PDE11A: variants seen among roughly 807,000 people sequenced by gnomAD.
The protein encoded by PDE11A is dual 3',5'-cyclic-AMP and -GMP phosphodiesterase 11A.
PDE11A carries 100 observed loss-of-function variants against 100.5 expected under a neutral mutation model. The ratio of observed to expected loss-of-function variants is 1.00; its 90% CI spans 0.85 to 1.18. The LOEUF (loss-of-function observed/expected upper bound fraction) is 1.18, where lower values mean the gene tolerates loss of function less well. Among genes scored for constraint, PDE11A ranks in the 50% most tolerant of loss-of-function variants. The pLI, the probability that PDE11A is intolerant of heterozygous loss-of-function variation, is 0.00. For synonymous variants in PDE11A, 381 were observed against 420.8 expected (o/e 0.91, Z 1.16); for missense variants, 1,141 against 1,152.6 (o/e 0.99, Z 0.15).
intron 5 of PDE11A, among the ~76,000 whole-genome samples, chr2:177,858,619 G>C (rs1029245537): frequency 6.6e-6 from 1 of 152,198 alleles, no homozygotes; most frequent in African/African-American, 2.4e-5. Context: ...AGGATGTGGA[G>C]AAATAGGAAC....
chr2:177,945,860 C>A (rs1418837648), intron 2 of PDE11A, among the ~76,000 whole-genome samples: 1 of 108,268 alleles, frequency 9.2e-6, no homozygotes, highest in Non-Finnish European at 2.0e-5. Flanking sequence ...CCAGCCGTGC[C>A]GTCCGGGAGG....
At chr2:177,800,262 A>C (rs1471840543) in intron 9 of PDE11A, among the ~76,000 whole-genome samples, 2 of 151,428 alleles carry the variant, frequency 1.3e-5, no homozygotes, top group African/African-American at 2.4e-5. Context: ...CTCGAATTCC[A>C]GGGCTCAAGG....
intron 2 of PDE11A, among the ~76,000 whole-genome samples, chr2:178,084,114 T>C (rs1252464659): frequency 6.6e-6 from 1 of 152,242 alleles, no homozygotes; most frequent in African/African-American, 2.4e-5. Flanking sequence ...CTCAATAGTG[T>C]ATTATAGCTA....
intron 2 of PDE11A, among the ~76,000 whole-genome samples, chr2:178,005,693 T>G (rs1574336751): frequency 6.6e-6 from 1 of 152,202 alleles, no homozygotes. Flanking sequence ...AGTGAATGAA[T>G]GAATAGTTCT....
At chr2:177,774,557 G>A (rs2082353590) in intron 9 of PDE11A, among the ~76,000 whole-genome samples, 1 of 151,454 alleles carries the variant, frequency 6.6e-6, no homozygotes, top group Non-Finnish European at 1.5e-5. Context: ...TTTCTTTTTT[G>A]GCCCCTCATC....
intron 10 of PDE11A, among the ~76,000 whole-genome samples, chr2:177,740,586 T>C (rs1340196463): frequency 6.6e-6 from 1 of 152,220 alleles, no homozygotes; most frequent in East Asian, 1.9e-4. Flanking sequence ...ACTAGAAAAC[T>C]GCTGGGACTA....
At position 177,629,202 on chromosome 2, in the gene PDE11A, G is replaced by T. The variant is rs2079878704; in HGVS notation, c.*205C>A. On this transcript the variant is annotated 3_prime_UTR_variant, in exon 20 of 20. Transcript: ENST00000286063. ...GGGAAAAGTGAGGGTCCTGGGGTGT[G>T]CTCCCTGCCCCACCTCTTTCTTTGT... is the stretch of plus-strand genomic sequence containing the variant. 1.6e-6 allele frequency: 1 copy of T among 619,922 alleles called. No individual in the cohort carries two copies. The highest frequency in any genetic ancestry group is 2.9e-6 in the Non-Finnish European group (1 of 343,756). 38.4% of individuals were successfully genotyped at this position (619,922 alleles called of 1,614,324 possible).
At chr2:177,766,811 G>A (rs1224367621) in intron 10 of PDE11A, among the ~76,000 whole-genome samples, 1 of 152,086 alleles carries the variant, frequency 6.6e-6, no homozygotes, top group Non-Finnish European at 1.5e-5. Context: ...CTATATCTCA[G>A]TTACATTGTA....
chr2:177,772,031 A>AT lies in PDE11A; in HGVS notation c.1738-2659_1738-2658insA, dbSNP rs1553473324. ...AATAAATAAATAAATAAATAAATAA[A>AT]AATAATGCTACTTTCTGATCATAAC... On this transcript the variant is annotated intron_variant, in intron 9 of 19. Coordinates refer to ENST00000286063, the MANE Select transcript of PDE11A (RefSeq NM_016953.4). 3.3e-3 allele frequency among the ~76,000 whole-genome samples: 496 copies of AT among 151,558 alleles called. 3 individuals are homozygous for AT. The highest frequency in any genetic ancestry group is 0.012 in the African/African-American group (477 of 41,028).
At chr2:177,850,520 C>A (rs1389174770) in intron 5 of PDE11A, among the ~76,000 whole-genome samples, 1 of 152,100 alleles carries the variant, frequency 6.6e-6, no homozygotes, top group African/African-American at 2.4e-5. Context: ...GCGACAGAAG[C>A]CAAAATTGAC....
chr2:177,902,565 A>T (rs1024117924), intron 3 of PDE11A, among the ~76,000 whole-genome samples: 2 of 152,026 alleles, frequency 1.3e-5, no homozygotes, highest in African/African-American at 4.8e-5. Context: ...CCTTCTAGTG[A>T]CCTTCTTTTG....
intron 12 of PDE11A, among the ~76,000 whole-genome samples, chr2:177,714,988 G>A (rs1370994041): frequency 6.6e-6 from 1 of 152,132 alleles, no homozygotes; most frequent in Non-Finnish European, 1.5e-5. Context: ...CCCCTCCTGT[G>A]TCTGGTTCCC....
chr2:178,052,435 A>G (rs1252732988), intron 1 of PDE11A, among the ~76,000 whole-genome samples: 3 of 152,202 alleles, frequency 2.0e-5, no homozygotes, highest in African/African-American at 7.2e-5. Flanking sequence ...TTGACCCCCT[A>G]ACATCACAAT....
intron 2 of PDE11A, among the ~76,000 whole-genome samples, chr2:177,946,625 G>A (rs1574299820): frequency 6.7e-4 from 69 of 102,754 alleles, no homozygotes; most frequent in African/African-American, 1.8e-3. Context: ...CGCCCCGTCC[G>A]GGAGGGAGGT....
chr2:177,808,585 G>C (rs897718245), intron 9 of PDE11A, among the ~76,000 whole-genome samples: 12 of 152,294 alleles, frequency 7.9e-5, no homozygotes, highest in African/African-American at 2.4e-4. Flanking sequence ...GCCTTATATG[G>C]AAGATTTCTT....
Position 177,885,263 on chromosome 2 carries a change from A to G in PDE11A, c.1303-9340T>C, listed in dbSNP as rs942163460. Among the ~76,000 whole-genome samples, 3 of 151,778 alleles carry G rather than the reference A, an allele frequency of 2.0e-5. No individual in the cohort carries two copies. In the East Asian group the frequency reaches 5.8e-4, roughly 29 times the overall value. ...ATATGCACATTTTTTCAGTTAATAT[A>G]ATTGGCCCTCTTTATCCATGGGTTC... On this transcript the variant is annotated intron_variant, in intron 4 of 19. Transcript: ENST00000286063.
At chr2:177,910,398 G>GTC (rs532961536) in intron 2 of PDE11A, among the ~76,000 whole-genome samples, 3 of 139,758 alleles carry the variant, frequency 2.1e-5, no homozygotes, top group East Asian at 2.1e-4. Context: ...TGTTACAGAT[G>GTC]TCTCTCTCTC....
chr2:177,768,409 A>C (rs1317741574), intron 10 of PDE11A, among the ~76,000 whole-genome samples: 1 of 152,246 alleles, frequency 6.6e-6, no homozygotes, highest in East Asian at 1.9e-4. Context: ...GTCCATCACC[A>C]AGTGATATTA....
At chr2:177,660,129 TTCA>T (rs1434816376) in intron 19 of PDE11A, among the ~76,000 whole-genome samples, 5 of 77,708 alleles carry the variant, frequency 6.4e-5, no homozygotes, top group Non-Finnish European at 8.5e-5. Flanking sequence ...CTTTCTTTCT[TTCA>T]TTCCTTCTCT....
Sources: allele counts gnomAD v4.1 joint callset (sites outside exome capture counted in the v4.1 genomes callset), GRCh38; gene constraint gnomAD v4.1.1; transcripts MANE v1.5; gene names NCBI Gene and HGNC (gene_info 2026-07-23, HGNC 2026-07-21).